The following ALK variants were observed in gnomAD, a reference collection of about 807,000 sequenced individuals.
ALK encodes the protein ALK receptor tyrosine kinase, also known as ALK tyrosine kinase receptor.
In ALK, 74 loss-of-function variants were observed where a neutral mutation model predicts 163.1. The ratio of observed to expected loss-of-function variants is 0.45; its 90% CI spans 0.38 to 0.55. The LOEUF (loss-of-function observed/expected upper bound fraction) is 0.55. Ranked by LOEUF, ALK falls within the 20% of genes least tolerant of loss-of-function variation. The pLI, the probability that ALK is intolerant of heterozygous loss-of-function variation, is 0.00. For synonymous variants in ALK, 960 were observed against 843.2 expected (o/e 1.14, Z -2.40); for missense variants, 2,063 against 2,105.3 (o/e 0.98, Z 0.39).
chr2:29,759,995 T>G lies in ALK; in HGVS notation c.668-42298A>C, dbSNP rs138438143. Among the ~76,000 whole-genome samples the G allele has an allele frequency of 1.1e-3, 162 of 152,354 alleles. No homozygotes were observed. The East Asian group carries it at 0.028, about 26-fold the overall frequency. ...AAAACAAAGCAAGTATTACAGGATT[T>G]TTTTTAAACCTCTGCCTATCATTCT... On this transcript the variant is annotated intron_variant, in intron 1 of 28. Coordinates refer to ENST00000389048, the MANE Select transcript of ALK (RefSeq NM_004304.5).
chr2:29,401,264 C>CTG (rs1045124180), intron 4 of ALK, among the ~76,000 whole-genome samples: 31 of 152,304 alleles, frequency 2.0e-4, no homozygotes, highest in African/African-American at 7.2e-4. Flanking sequence ...TGTCCTCTTT[C>CTG]TGTCCTTGGT....
At chr2:29,618,910 C>T (rs928797056) in intron 3 of ALK, among the ~76,000 whole-genome samples, 6 of 151,812 alleles carry the variant, frequency 4.0e-5, no homozygotes, top group African/African-American at 7.2e-5. Flanking sequence ...ACCTGGGAGG[C>T]GGAGGTTGCA....
chr2:29,754,004 C>T (rs1161177223), intron 1 of ALK, among the ~76,000 whole-genome samples: 1 of 152,154 alleles, frequency 6.6e-6, no homozygotes, highest in African/African-American at 2.4e-5. Flanking sequence ...CTCCCACCGA[C>T]CGCGCACTAT....
intron 4 of ALK, among the ~76,000 whole-genome samples, chr2:29,513,142 A>C (rs2148142367): frequency 6.6e-6 from 1 of 150,934 alleles, no homozygotes; most frequent in East Asian, 1.9e-4. Flanking sequence ...ATAATTGGAA[A>C]AAACTACTTT....
intron 9 of ALK, among the ~76,000 whole-genome samples, chr2:29,289,990 G>A (rs1194276998): frequency 2.0e-5 from 3 of 152,228 alleles, no homozygotes; most frequent in Admixed American, 1.3e-4. Flanking sequence ...GATGGAGATT[G>A]AGAGCTGGGG....
intron 12 of ALK, among the ~76,000 whole-genome samples, chr2:29,241,139 A>G (rs1027050252): frequency 4.6e-5 from 7 of 152,118 alleles, no homozygotes; most frequent in Non-Finnish European, 1.0e-4. Flanking sequence ...AGTTTATTGA[A>G]TGTTGGGAGC....
intron 23 of ALK, among the ~76,000 whole-genome samples, chr2:29,218,345 C>T (rs1669695101): frequency 6.6e-6 from 1 of 152,188 alleles, no homozygotes; most frequent in South Asian, 2.1e-4. Context: ...GGCCCCCTCC[C>T]CGTTCTGGGG....
At position 29,393,846 on chromosome 2, in the gene ALK, A is replaced by T. The variant is rs554562603; in HGVS notation, c.1155-9987T>A. ...AGGAGAACATTTGAATACTTTGGAA[A>T]GACTGGTAGCTGGTGAGTCACCACA... On this transcript the variant is annotated intron_variant, in intron 4 of 28. Transcript: ENST00000389048. 2.6e-5 allele frequency among the ~76,000 whole-genome samples: 4 copies of T among 152,338 alleles called. No homozygotes were observed. In the South Asian group the frequency reaches 6.2e-4, roughly 24 times the overall value.
At chr2:29,221,580 T>C (rs1669806119) in intron 22 of ALK, among the ~76,000 whole-genome samples, 1 of 152,236 alleles carries the variant, frequency 6.6e-6, no homozygotes, top group Non-Finnish European at 1.5e-5. Context: ...GTTTTATTCA[T>C]AATCAGGAAT....
At chr2:29,579,635 G>C (rs939642955) in intron 3 of ALK, among the ~76,000 whole-genome samples, 1 of 152,110 alleles carries the variant, frequency 6.6e-6, no homozygotes, top group Non-Finnish European at 1.5e-5. Context: ...TCATATATGA[G>C]CCATCCTGAG....
At chr2:29,620,190 G>A (rs540578132) in intron 3 of ALK, among the ~76,000 whole-genome samples, 2 of 152,234 alleles carry the variant, frequency 1.3e-5, no homozygotes, top group African/African-American at 4.8e-5. Context: ...ACAACACAAC[G>A]GTGTTGCCTG....
At chr2:29,747,794 T>G (rs893847902) in intron 1 of ALK, among the ~76,000 whole-genome samples, 1 of 152,234 alleles carries the variant, frequency 6.6e-6, no homozygotes, top group African/African-American at 2.4e-5. Context: ...CATCTGCTTT[T>G]GATGCCTAAA....
At chr2:29,511,214 T>C (rs1639672266) in intron 4 of ALK, among the ~76,000 whole-genome samples, 1 of 152,174 alleles carries the variant, frequency 6.6e-6, no homozygotes, top group Admixed American at 6.5e-5. Flanking sequence ...ACAACTACAT[T>C]CCAAATATAG....
At chr2:29,672,320 T>C (rs1050524436) in intron 3 of ALK, among the ~76,000 whole-genome samples, 2 of 143,092 alleles carry the variant, frequency 1.4e-5, no homozygotes. Flanking sequence ...ATGCTATCCC[T>C]CCCCCTTCCC....
At chr2:29,678,301 C>G (rs887193143) in intron 3 of ALK, among the ~76,000 whole-genome samples, 12 of 151,684 alleles carry the variant, frequency 7.9e-5, no homozygotes, top group Non-Finnish European at 5.9e-5. Context: ...TCATGGATTT[C>G]TACTCAATCT....
chr2:29,535,759 T>C (rs925402425), intron 3 of ALK, among the ~76,000 whole-genome samples: 7 of 152,304 alleles, frequency 4.6e-5, no homozygotes, highest in African/African-American at 1.7e-4. Flanking sequence ...TAAGGATTCT[T>C]ACAGCCCCAA....
At chr2:29,472,799 T>A (rs561725657) in intron 4 of ALK, among the ~76,000 whole-genome samples, 29 of 152,168 alleles carry the variant, frequency 1.9e-4, no homozygotes, top group African/African-American at 7.0e-4. Context: ...AAAGAGTAAG[T>A]TTAAAGAAAT....
rs2148258233 is a variant in ALK at position 29,328,376 on chromosome 2, TG to T, written c.1387del (p.Gln463ArgfsTer44). The T allele has an allele frequency of 1.9e-6, 3 of 1,614,186 alleles. No individual in the cohort carries two copies. Among genetic ancestry groups the T allele is most frequent in the Non-Finnish European group, 2.5e-6 (3 of 1,180,022 alleles). ...GCACATCTGGCTCTCATCTTCTCCC[TG>T]GGCACAGTCCTGGTGGAAGTCACAG... is the stretch of plus-strand genomic sequence containing the variant. ...QACDFHQDCA[Q>X]GEDESQMCRK... On this transcript the variant is annotated frameshift_variant, in exon 6 of 29. Transcript: ENST00000389048. LOFTEE classifies it high-confidence loss of function.
At chr2:29,675,465 T>C (rs1233510335) in intron 3 of ALK, among the ~76,000 whole-genome samples, 3 of 151,998 alleles carry the variant, frequency 2.0e-5, no homozygotes, top group Admixed American at 2.0e-4. Context: ...GCGTCTTCCT[T>C]TTCCTTTGCC....
Sources: gnomAD v4.1 joint callset for allele counts (sites outside exome capture counted in the v4.1 genomes callset) on GRCh38, gnomAD v4.1.1 for gene constraint, MANE v1.5 for transcripts, NCBI Gene and HGNC (gene_info 2026-07-23, HGNC 2026-07-21) for gene names.